Variants in PSD3 observed in about 807,000 individuals in gnomAD.
PSD3 encodes the protein PH and SEC7 domain-containing protein 3.
A neutral mutation model predicts 105.5 loss-of-function variants in PSD3; 49 were observed. The ratio of observed to expected loss-of-function variants is 0.46; its 90% CI spans 0.37 to 0.59. The LOEUF (loss-of-function observed/expected upper bound fraction) is 0.59, where lower values mean the gene tolerates loss of function less well. PSD3 is among the 20% of genes least tolerant of loss of function. The pLI is 0.00. For missense variants in PSD3, 1,561 were observed against 1,263.8 expected, an observed-to-expected ratio of 1.24 and a Z score of -3.57; for synonymous variants, 557 against 457.8, an observed-to-expected ratio of 1.22 and a Z score of -2.77.
intron 11 of PSD3, among the ~76,000 whole-genome samples, chr8:18,616,685 G>T (rs993368863): frequency 7.1e-6 from 1 of 140,956 alleles, no homozygotes. Flanking sequence ...GTGCAGTGGC[G>T]GGATCTCGGC....
intron 11 of PSD3, among the ~76,000 whole-genome samples, chr8:18,613,740 C>T (rs1462959365): frequency 1.3e-5 from 2 of 152,198 alleles, no homozygotes; most frequent in African/African-American, 4.8e-5. Flanking sequence ...AAAGCAGAAT[C>T]CATTCTCAGG....
chr8:18,780,692 T>C (rs1326916369), intron 8 of PSD3, among the ~76,000 whole-genome samples: 1 of 152,140 alleles, frequency 6.6e-6, no homozygotes, highest in Non-Finnish European at 1.5e-5. Context: ...TAGCTGGGAC[T>C]ACAGGTGCCT....
At chr8:18,954,959 A>C (rs551819175) in intron 1 of PSD3, among the ~76,000 whole-genome samples, 3 of 152,248 alleles carry the variant, frequency 2.0e-5, no homozygotes, top group Non-Finnish European at 4.4e-5. Context: ...AAAAAAAGAG[A>C]TAACATCAAG....
chr8:18,544,046 C>T (rs533775117), intron 15 of PSD3, among the ~76,000 whole-genome samples: 4 of 152,072 alleles, frequency 2.6e-5, no homozygotes, highest in Admixed American at 6.5e-5. Flanking sequence ...CCTTACATTT[C>T]GTTTTCTCAT....
chr8:18,857,296 C>T (rs1816092208), intron 4 of PSD3, among the ~76,000 whole-genome samples: 1 of 152,160 alleles, frequency 6.6e-6, no homozygotes, highest in Non-Finnish European at 1.5e-5. Context: ...TCCCAAACTT[C>T]AACGTGATCA....
intron 1 of PSD3, among the ~76,000 whole-genome samples, chr8:19,020,433 G>A (rs553375384): frequency 1.4e-4 from 21 of 152,220 alleles, no homozygotes; most frequent in Middle Eastern, 3.4e-3. Context: ...CTTGCCTGGC[G>A]TGTTTTGAGC....
chr8:18,597,015 C>T (rs1245067000), intron 12 of PSD3, among the ~76,000 whole-genome samples: 4 of 152,070 alleles, frequency 2.6e-5, no homozygotes, highest in African/African-American at 9.7e-5. Context: ...AACAGTACTG[C>T]AAGAAAACTA....
At chr8:18,790,700 G>A (rs960505307) in intron 8 of PSD3, among the ~76,000 whole-genome samples, 9 of 152,102 alleles carry the variant, frequency 5.9e-5, no homozygotes, top group African/African-American at 2.2e-4. Flanking sequence ...TGGTGAAAAT[G>A]AACGCCAGGC....
At chr8:18,700,406 T>C (rs1801510413) in intron 9 of PSD3, among the ~76,000 whole-genome samples, 1 of 152,216 alleles carries the variant, frequency 6.6e-6, no homozygotes. Context: ...AGTACGGTTG[T>C]TTCTTAAGGA....
intron 12 of PSD3, among the ~76,000 whole-genome samples, chr8:18,578,490 C>T (rs1245314734): frequency 6.6e-6 from 1 of 152,070 alleles, no homozygotes; most frequent in Non-Finnish European, 1.5e-5. Context: ...TTTGCTATCT[C>T]TTCTTCTTCA....
At chr8:18,717,809 T>A (rs1802697280) in intron 9 of PSD3, among the ~76,000 whole-genome samples, 1 of 152,208 alleles carries the variant, frequency 6.6e-6, no homozygotes, top group African/African-American at 2.4e-5. Flanking sequence ...AAATCTGAAC[T>A]ATTCATTTTC....
At chr8:18,891,511 T>C (rs1818781082) in intron 2 of PSD3, among the ~76,000 whole-genome samples, 1 of 152,174 alleles carries the variant, frequency 6.6e-6, no homozygotes, top group Non-Finnish European at 1.5e-5. Flanking sequence ...AGTTCTATCC[T>C]AACCTACAGT....
chr8:18,950,469 A>C (rs1327464820), intron 1 of PSD3, among the ~76,000 whole-genome samples: 1 of 152,294 alleles, frequency 6.6e-6, no homozygotes, highest in East Asian at 1.9e-4. Context: ...ACAAACAAGC[A>C]AAAAGAAACA....
At chr8:18,544,265 C>T (rs987759487) in intron 15 of PSD3, among the ~76,000 whole-genome samples, 17 of 150,986 alleles carry the variant, frequency 1.1e-4, no homozygotes, top group African/African-American at 3.9e-4. Context: ...CTCCCTTCTG[C>T]GTACTACGAG....
chr8:18,902,625 C>T lies in PSD3; in HGVS notation c.131-29892G>A, dbSNP rs192381650. ...ATCTGTGTGTTGATGTCTGGTGGAACGGTAGCCTCTTCCAAACTTACTAGA... is the reference window on the plus strand; with the variant it reads ...ATCTGTGTGTTGATGTCTGGTGGAATGGTAGCCTCTTCCAAACTTACTAGA... On this transcript the variant is annotated intron_variant, in intron 2 of 15. Coordinates refer to ENST00000327040, the MANE Select transcript of PSD3 (RefSeq NM_015310.4). 2.3e-4 allele frequency among the ~76,000 whole-genome samples: 35 copies of T among 152,188 alleles called. 1 individual carries two copies. The highest frequency in any genetic ancestry group is 3.4e-3 in the Middle Eastern group (1 of 292).
chr8:18,801,481 T>G, intron 6 of PSD3, 99 bp from the exon 7 acceptor site: 1 of 665,146 alleles, frequency 1.5e-6, no homozygotes, highest in South Asian at 1.9e-5. Context: ...AGATATTAAT[T>G]ATACAAAGTA....
chr8:18,712,234 C>T (rs1802298308), intron 9 of PSD3, among the ~76,000 whole-genome samples: 1 of 151,228 alleles, frequency 6.6e-6, no homozygotes, highest in South Asian at 2.1e-4. Flanking sequence ...CAAGAGCAAA[C>T]AAACCTCAAA....
chr8:18,925,940 T>G (rs1239417339), intron 2 of PSD3, among the ~76,000 whole-genome samples: 3 of 152,182 alleles, frequency 2.0e-5, no homozygotes, highest in Non-Finnish European at 4.4e-5. Flanking sequence ...TAACCTCATT[T>G]TAGAAATGAT....
intron 2 of PSD3, among the ~76,000 whole-genome samples, chr8:18,921,613 T>C (rs1821026421): frequency 6.6e-6 from 1 of 152,190 alleles, no homozygotes. Flanking sequence ...ATGGCAGGTT[T>C]CTGGGAGCCT....
Sources: allele counts gnomAD v4.1 joint callset (sites outside exome capture counted in the v4.1 genomes callset), GRCh38; gene constraint gnomAD v4.1.1; transcripts MANE v1.5; gene names NCBI Gene and HGNC (gene_info 2026-07-23, HGNC 2026-07-21).